PKD1L1: variants seen among roughly 807,000 people sequenced by gnomAD.
PKD1L1 encodes polycystin 1 like 1, transient receptor potential channel interacting, also known as polycystin-1-like protein 1.
A neutral mutation model predicts 323.4 loss-of-function variants in PKD1L1; 236 were observed. The ratio of observed to expected loss-of-function variants is 0.73; its 90% confidence interval spans 0.66 to 0.81. The LOEUF (loss-of-function observed/expected upper bound fraction) is 0.81, where lower values mean the gene tolerates loss of function less well. Ranked by LOEUF, PKD1L1 falls within the 40% of genes least tolerant of loss-of-function variation. The pLI is 0.00. For missense variants in PKD1L1, 3,320 were observed against 3,508.0 expected, an observed-to-expected ratio of 0.95 and a Z score of 1.35; for synonymous variants, 1,344 against 1,335.0, an observed-to-expected ratio of 1.01 and a Z score of -0.15.
At chr7:47,788,006 C>T (rs536650297) in intron 56 of PKD1L1, among the ~76,000 whole-genome samples, 35 of 152,236 alleles carry the variant, frequency 2.3e-4, no homozygotes, top group Admixed American at 1.7e-3. Context: ...CCACTGTGTC[C>T]GGCCTGTTGT....
At chr7:47,877,835 G>T (rs1786443656) in intron 21 of PKD1L1, among the ~76,000 whole-genome samples, 1 of 152,154 alleles carries the variant, frequency 6.6e-6, no homozygotes, top group African/African-American at 2.4e-5. Flanking sequence ...CTGAGACTCA[G>T]TGATAGTTTT....
In PKD1L1 at chr7:47,904,756, GTATC is replaced by G. The variant is rs924962027; in HGVS notation, c.1692-143_1692-140del. ...CATTTAATTTGTAAGAACTACAAAA[GTATC>G]TAGTGATTTTCATCTTATTGAGGAG... On this transcript the variant is annotated intron_variant, in intron 11 of 56. Transcript: ENST00000289672. 4 of 1,076,250 alleles carry G rather than the reference GTATC, an allele frequency of 3.7e-6. No individual in the cohort carries two copies. The African/African-American group carries it at 6.4e-5, about 17-fold the overall frequency. The allele number at this position is 1,076,250 out of a possible 1,614,324, so 66.7% of individuals were successfully genotyped here.
At chr7:47,917,811 A>G (rs1233118240) in intron 7 of PKD1L1, among the ~76,000 whole-genome samples, 1 of 152,206 alleles carries the variant, frequency 6.6e-6, no homozygotes, top group Non-Finnish European at 1.5e-5. Flanking sequence ...AAGAACTGCT[A>G]AAAGGAGCTC....
chr7:47,840,582 CA>C lies in PKD1L1; in HGVS notation c.5446-16del, dbSNP rs1785546207. ...ACAATGTACACCTCAAAACAAAGAA[CA>C]GGGGTGGGAACTCAGGCTATTTCAC... On this transcript the variant is annotated splice_polypyrimidine_tract_variant and intron_variant, in intron 34 of 56. Coordinates refer to ENST00000289672, the MANE Select transcript of PKD1L1 (RefSeq NM_138295.5). The surrounding 1 kb of genome is among the most constrained non-coding windows in gnomAD (Gnocchi z 4.1). 1 of 1,593,794 alleles carries C rather than the reference CA, an allele frequency of 6.3e-7. No individual in the cohort carries two copies. Among genetic ancestry groups the C allele is most frequent in the Non-Finnish European group, 8.6e-7 (1 of 1,161,926 alleles).
At chr7:47,947,285 G>A (rs1300902733) in intron 1 of PKD1L1, among the ~76,000 whole-genome samples, 1 of 152,342 alleles carries the variant, frequency 6.6e-6, no homozygotes, top group Admixed American at 6.5e-5. Context: ...CAGAAATGCT[G>A]ACAGCAAGCA....
At chr7:47,801,791 C>T (rs562861452) in intron 53 of PKD1L1, among the ~76,000 whole-genome samples, 2 of 152,276 alleles carry the variant, frequency 1.3e-5, no homozygotes, top group East Asian at 3.9e-4. Context: ...GTGTGGTCTC[C>T]CGGTCTCCCC....
intron 21 of PKD1L1, among the ~76,000 whole-genome samples, chr7:47,879,867 A>G (rs1368811015): frequency 7.9e-6 from 1 of 126,442 alleles, no homozygotes; most frequent in African/African-American, 3.7e-5. Context: ...TGGGAGGCAG[A>G]GCTTGCGGTG....
In PKD1L1 at chr7:47,839,616, C is replaced by T. The variant is rs753320684; in HGVS notation, c.5599G>A (p.Asp1867Asn). The change falls in exon 36 of 57, where the codon GAC (aspartate) becomes AAC (asparagine). Residue 1867 changes from aspartate (D) to asparagine (N), a missense_variant. Coordinates refer to ENST00000289672, the MANE Select transcript of PKD1L1 (RefSeq NM_138295.5). This position sits in a 1 kb window ranked among gnomAD's most constrained non-coding sequence, Gnocchi z 4.3. The part of the protein sequence containing the change: ...GLLRKIRLWH[D>N]SRGPSPGWFI... ...CAGCCTGGGGAAGGCCCACGGCTGT[C>T]GTGCCAGAGGCGGATCTTCCTCAGC... 24 of 1,589,406 alleles carry T rather than the reference C, an allele frequency of 1.5e-5. No homozygotes were observed. The highest frequency in any genetic ancestry group is 8.0e-5 in the South Asian group (7 of 87,016).
Position 47,915,597 on chromosome 7 carries a change from T to A in PKD1L1, c.1063A>T (p.Ile355Phe), listed in dbSNP as rs531967751. ...VTAYHQYSKG[I>F]FFHLLHFQLD... ...TGAAAATGTAAAAGATGAAAAAAAA[T>A]ACCTATAAAAGCAAAAAGAAGAAAA... is the stretch of plus-strand genomic sequence containing the variant. Residue 355 changes from isoleucine (I) to phenylalanine (F), a missense_variant and splice_region_variant, in exon 8 of 57, where the codon ATT becomes TTT. Physicochemically the swap from Ile to Phe is conservative, Grantham distance 21. Transcript: ENST00000289672. 71 of 1,510,732 alleles carry A rather than the reference T, an allele frequency of 4.7e-5. 1 individual carries two copies. The highest frequency in any genetic ancestry group is 2.7e-4 in the Admixed American group (14 of 51,792). 93.6% of individuals were successfully genotyped at this position (1,510,732 alleles called of 1,614,324 possible).
chr7:47,806,966 G>A (rs1241464037), intron 52 of PKD1L1, among the ~76,000 whole-genome samples: 2 of 152,064 alleles, frequency 1.3e-5, no homozygotes, highest in African/African-American at 4.8e-5. Context: ...GACACACACA[G>A]ACAGGATTCT....
rs182903932 is a variant in PKD1L1 at position 47,870,488 on chromosome 7, T to A, written c.3896+3411A>T. 4.4e-3 allele frequency among the ~76,000 whole-genome samples: 674 copies of A among 151,690 alleles called. 5 individuals carry two copies. The highest frequency in any genetic ancestry group is 0.016 in the African/African-American group (649 of 41,160). On this transcript the variant is annotated intron_variant, in intron 24 of 56. Transcript: ENST00000289672. ...TAGGAGAACACCATACAAAACTGTATGCCAAAAAAAATAGAGAATGTAGAT... is the reference window on the plus strand; with the variant it reads ...TAGGAGAACACCATACAAAACTGTAAGCCAAAAAAAATAGAGAATGTAGAT...
At chr7:47,947,795 G>A (rs929292790) in intron 1 of PKD1L1, among the ~76,000 whole-genome samples, 4 of 152,092 alleles carry the variant, frequency 2.6e-5, no homozygotes, top group Non-Finnish European at 4.4e-5. Flanking sequence ...GTGAAACCCC[G>A]TCTCTACTAA....
Position 47,835,227 on chromosome 7 carries a change from C to A in PKD1L1, c.5960G>T (p.Ser1987Ile), listed in dbSNP as rs1476698858. 1.4e-5 allele frequency: 22 copies of A among 1,589,332 alleles called. No individual in the cohort carries two copies. The highest frequency in any genetic ancestry group is 1.8e-5 in the Non-Finnish European group (21 of 1,173,798). The change falls in exon 38 of 57, where the codon AGC becomes ATC. Residue 1987 changes from serine (S) to isoleucine (I), a missense_variant. Physicochemically the swap from Ser to Ile is moderately radical, Grantham distance 142. Transcript: ENST00000289672. ...CACCCTGAAGGATCCAAGGGTGGGG[C>A]TGACGTCCAAGTGGGGCTGCAACAA... ...GGQEQPHLDV[S>I]PTLGSFRVGL...
rs200611840 is a variant in PKD1L1, at chr7:47,845,094, G to A, written c.5154-16C>T. 6 of 1,607,622 alleles carry A rather than the reference G, an allele frequency of 3.7e-6. No homozygotes were observed. The highest frequency in any genetic ancestry group is 1.7e-4 in the Middle Eastern group (1 of 6,042). On this transcript the variant is annotated splice_polypyrimidine_tract_variant and intron_variant, in intron 32 of 56. Transcript: ENST00000289672. Reference sequence around the variant, plus strand: ...GCGATGGTAGCTAGGAGGGAAATGCGGATGAGGATACAGAATGTGTGGAGA... The same window carrying A: ...GCGATGGTAGCTAGGAGGGAAATGCAGATGAGGATACAGAATGTGTGGAGA...
chr7:47,890,080 T>A (rs1786777097), intron 16 of PKD1L1, among the ~76,000 whole-genome samples: 1 of 152,202 alleles, frequency 6.6e-6, no homozygotes, highest in Admixed American at 6.5e-5. Flanking sequence ...CTTCTTTGCC[T>A]CTGCATCTTT....
At chr7:47,823,614 C>T (rs925140008) in intron 45 of PKD1L1, among the ~76,000 whole-genome samples, 8 of 152,148 alleles carry the variant, frequency 5.3e-5, no homozygotes, top group South Asian at 4.1e-4. Flanking sequence ...TGTTTTCCCA[C>T]GAGGAAACAC....
intron 46 of PKD1L1, chr7:47,819,449 C>A: frequency 9.9e-7 from 1 of 1,011,756 alleles, no homozygotes; most frequent in Non-Finnish European, 1.3e-6. Flanking sequence ...AGAGGTTTTT[C>A]ATGTTTAGAT....
chr7:47,784,104 T>C (rs1786755472), intron 56 of PKD1L1, among the ~76,000 whole-genome samples: 1 of 152,154 alleles, frequency 6.6e-6, no homozygotes, highest in Admixed American at 6.6e-5. Context: ...ATATTTCAAC[T>C]TCATTGGAGC....
At chr7:47,838,876 C>CAAAAAAA (rs57858359) in intron 36 of PKD1L1, among the ~76,000 whole-genome samples, 19 of 85,290 alleles carry the variant, frequency 2.2e-4, no homozygotes, top group East Asian at 3.3e-4. Context: ...GACTCCATCT[C>CAAAAAAA]AAAAAAAAAA....
Sources: allele counts gnomAD v4.1 joint callset (sites outside exome capture counted in the v4.1 genomes callset), GRCh38; gene constraint gnomAD v4.1.1; non-coding constraint Gnocchi (gnomAD v3.1); transcripts MANE v1.5; gene names NCBI Gene and HGNC (gene_info 2026-07-23, HGNC 2026-07-21).